Variants in SDK1 observed in about 807,000 individuals in gnomAD.
SDK1 encodes sidekick cell adhesion molecule 1.
A neutral mutation model predicts 245.5 loss-of-function variants in SDK1; 157 were observed. The ratio of observed to expected loss-of-function variants is 0.64; its 90% CI spans 0.56 to 0.73. The LOEUF (loss-of-function observed/expected upper bound fraction) is 0.73. SDK1 is among the 30% of genes least tolerant of loss of function. The probability of loss-of-function intolerance (pLI) is 0.00; values close to 1 mark genes in which losing one functional copy is unlikely to be tolerated. For synonymous variants in SDK1, 1,647 were observed against 1,278.5 expected, an observed-to-expected ratio of 1.29 and a Z score of -6.15; for missense variants, 3,583 against 3,002.3, an observed-to-expected ratio of 1.19 and a Z score of -4.52.
In SDK1 at chr7:3,999,801, A is replaced by G. The variant is rs1350111197; in HGVS notation, c.2132-11165A>G. Among the ~76,000 whole-genome samples the G allele has an allele frequency of 3.1e-4, 47 of 152,194 alleles. 2 individuals carry two copies. The highest frequency in any genetic ancestry group is 3.1e-3 in the Admixed American group (47 of 15,284). On this transcript the variant is annotated intron_variant, in intron 14 of 44. Coordinates refer to ENST00000404826, the MANE Select transcript of SDK1 (RefSeq NM_152744.4). ...ATTGAAGCTGGAGAAATAGTAGATG[A>G]TGTATAAAGGGAGAGTTCTTATCTC...
chr7:3,532,158 G>A (rs1400388346), intron 1 of SDK1, among the ~76,000 whole-genome samples: 1 of 152,018 alleles, frequency 6.6e-6, no homozygotes, highest in African/African-American at 2.4e-5. Context: ...TCTGTTTTCT[G>A]GCTCAGGACT....
At chr7:4,017,644 T>A (rs962502512) in intron 17 of SDK1, among the ~76,000 whole-genome samples, 1 of 152,182 alleles carries the variant, frequency 6.6e-6, no homozygotes, top group Non-Finnish European at 1.5e-5. Flanking sequence ...GGAACTGGAT[T>A]TTTCTAAATG....
chr7:4,237,770 A>C lies in SDK1; in HGVS notation c.6116A>C (p.Lys2039Thr), dbSNP rs372531973. ...LVLHGQNKKYKNCSTGKGIST... is the reference protein window; with the variant it reads ...LVLHGQNKKYTNCSTGKGIST... ...CTGCACGGGCAGAATAAGAAGTATAAGAACTGCAGCACAGGTGCAGGTCCA... is the reference window on the plus strand; with the variant it reads ...CTGCACGGGCAGAATAAGAAGTATACGAACTGCAGCACAGGTGCAGGTCCA... The change falls in exon 42 of 45, where the codon AAG becomes ACG. Residue 2039 changes from lysine to threonine, a missense_variant. Physicochemically the swap from Lys to Thr is moderately conservative, Grantham distance 78. Coordinates refer to ENST00000404826, the MANE Select transcript of SDK1 (RefSeq NM_152744.4). 1 of 1,614,088 alleles carries C rather than the reference A, an allele frequency of 6.2e-7. No homozygotes were observed.
intron 26 of SDK1, among the ~76,000 whole-genome samples, chr7:4,127,752 C>T (rs1202898227): frequency 1.3e-5 from 2 of 152,244 alleles, no homozygotes; most frequent in Admixed American, 1.3e-4. Flanking sequence ...TGGAACTGAC[C>T]TCCGGGCCTG....
At chr7:3,771,314 G>T (rs977986076) in intron 4 of SDK1, among the ~76,000 whole-genome samples, 5 of 152,112 alleles carry the variant, frequency 3.3e-5, no homozygotes, top group African/African-American at 7.2e-5. Context: ...CACTTGCGTC[G>T]AGTGAACCAA....
intron 11 of SDK1, 143 bp from the exon 12 acceptor site, chr7:3,971,323 G>C: frequency 1.6e-6 from 1 of 644,074 alleles, no homozygotes; most frequent in Non-Finnish European, 2.8e-6. Context: ...GCATTTCTGA[G>C]AGTGATCCAT....
At chr7:3,987,706 G>A (rs767364505) in intron 14 of SDK1, among the ~76,000 whole-genome samples, 3 of 152,132 alleles carry the variant, frequency 2.0e-5, no homozygotes, top group Non-Finnish European at 4.4e-5. Flanking sequence ...GGTTTTCTCC[G>A]GTGTAGACGT....
chr7:3,637,086 CGT>C (rs57931328), intron 2 of SDK1, among the ~76,000 whole-genome samples: 4,689 of 147,670 alleles, frequency 0.032, 92 homozygotes, highest in African/African-American at 0.038. Context: ...TGCGTGCGCG[CGT>C]GTGTGTGTGT....
intron 1 of SDK1, among the ~76,000 whole-genome samples, chr7:3,314,995 C>T (rs887766815): frequency 6.6e-5 from 10 of 151,888 alleles, no homozygotes; most frequent in African/African-American, 2.4e-4. Flanking sequence ...TGACTTTTTC[C>T]TTACTTTAGG....
intron 44 of SDK1, among the ~76,000 whole-genome samples, chr7:4,247,386 A>T (rs138531621): frequency 2.4e-3 from 371 of 152,324 alleles, no homozygotes; most frequent in African/African-American, 8.6e-3. Context: ...AGCAGGCAGC[A>T]AAGCAGATGC....
intron 4 of SDK1, among the ~76,000 whole-genome samples, chr7:3,697,783 C>T (rs1308577911): frequency 6.6e-6 from 1 of 152,112 alleles, no homozygotes; most frequent in Non-Finnish European, 1.5e-5. Context: ...ATCCTTGAAT[C>T]TTATTTTGCT....
chr7:3,711,952 C>T (rs1305640954), intron 4 of SDK1, among the ~76,000 whole-genome samples: 1 of 152,140 alleles, frequency 6.6e-6, no homozygotes, highest in Non-Finnish European at 1.5e-5. Flanking sequence ...GCCCAGTTTC[C>T]ACATTAGTGA....
At chr7:3,786,731 G>T (rs1049414341) in intron 4 of SDK1, among the ~76,000 whole-genome samples, 15 of 152,082 alleles carry the variant, frequency 9.9e-5, no homozygotes, top group African/African-American at 3.4e-4. Context: ...TAGGGCTAGA[G>T]GGAGAAAAGA....
intron 17 of SDK1, among the ~76,000 whole-genome samples, chr7:4,036,991 G>A (rs1394776093): frequency 3.3e-5 from 5 of 152,134 alleles, no homozygotes; most frequent in Admixed American, 2.6e-4. Context: ...TTAAGAGGCC[G>A]TTTTTGATAC....
intron 1 of SDK1, among the ~76,000 whole-genome samples, chr7:3,355,740 A>T (rs7798784): frequency 0.075 from 11,491 of 152,218 alleles, 483 homozygotes; most frequent in East Asian, 0.13. Context: ...AATTTCAGGA[A>T]ATAGCCTCTA....
At chr7:4,058,281 C>T (rs921185663) in intron 19 of SDK1, among the ~76,000 whole-genome samples, 11 of 151,732 alleles carry the variant, frequency 7.2e-5, no homozygotes, top group Non-Finnish European at 1.2e-4. Context: ...TAGTAAGCTT[C>T]GGCAGTAGAC....
chr7:3,456,309 C>G (rs1158749875), intron 1 of SDK1, among the ~76,000 whole-genome samples: 1 of 152,082 alleles, frequency 6.6e-6, no homozygotes, highest in Non-Finnish European at 1.5e-5. Context: ...TCTTTCAGCC[C>G]CAGCAACTTT....
In SDK1 at chr7:3,732,403, A is replaced by G. The variant is rs372293793; in HGVS notation, c.714-89047A>G. ...GTAGAACTTTCTAAAAGTCCGAGGA[A>G]AGATAGAGGAAGATTTTTTAAAAAC... On this transcript the variant is annotated intron_variant, in intron 4 of 44. Transcript: ENST00000404826. Among the ~76,000 whole-genome samples, 5 of 152,342 alleles carry G rather than the reference A, an allele frequency of 3.3e-5. No homozygotes were observed. In the South Asian group the frequency reaches 6.2e-4, roughly 19 times the overall value.
Position 3,392,414 on chromosome 7 carries a change from G to GT in SDK1, c.298+90534dup, listed in dbSNP as rs1337276968. On this transcript the variant is annotated intron_variant, in intron 1 of 44. Coordinates refer to ENST00000404826, the MANE Select transcript of SDK1 (RefSeq NM_152744.4). ...GTGACCTTTTGACATGACTCCATTAGTTTTCTTTTATATATACTTTTATGG... is the reference window on the plus strand; with the variant it reads ...GTGACCTTTTGACATGACTCCATTAGTTTTTCTTTTATATATACTTTTATGG... Among the ~76,000 whole-genome samples the GT allele has an allele frequency of 1.1e-3, 165 of 151,762 alleles. 1 individual carries two copies. The highest frequency in any genetic ancestry group is 3.4e-3 in the African/African-American group (140 of 41,366).
Sources: gnomAD v4.1 joint callset for allele counts (sites outside exome capture counted in the v4.1 genomes callset) on GRCh38, gnomAD v4.1.1 for gene constraint, MANE v1.5 for transcripts, NCBI Gene and HGNC (gene_info 2026-07-23, HGNC 2026-07-21) for gene names.